Variants in SLAIN1 observed in about 807,000 individuals in gnomAD.
The protein encoded by SLAIN1 is SLAIN family member 1.
In SLAIN1, 17 loss-of-function variants were observed where a neutral mutation model predicts 55.4. That is an observed-to-expected ratio of 0.31 (90% confidence interval 0.21 to 0.46). The LOEUF (loss-of-function observed/expected upper bound fraction) is 0.46, where lower values mean the gene tolerates loss of function less well. Among genes scored for constraint, SLAIN1 ranks in the 20% least tolerant of loss-of-function variants. The pLI, the probability that SLAIN1 is intolerant of heterozygous loss-of-function variation, is 1.00. For missense variants in SLAIN1, 682 were observed against 785.1 expected (o/e 0.87, Z 1.57); for synonymous variants, 348 against 337.4 (o/e 1.03, Z -0.35).
intron 5 of SLAIN1, among the ~76,000 whole-genome samples, chr13:77,758,056 T>C (rs1400309722): frequency 6.6e-6 from 1 of 152,198 alleles, no homozygotes; most frequent in Non-Finnish European, 1.5e-5. Flanking sequence ...ACCAGCAGTG[T>C]AAAAGTGTTC....
intron 6 of SLAIN1, 50 bp downstream of exon 6, chr13:77,761,160 T>C (rs779969062): frequency 1.9e-6 from 3 of 1,573,194 alleles, no homozygotes; most frequent in Non-Finnish European, 2.6e-6. Context: ...AACTAGAAAC[T>C]GCTCCAGACA....
chr13:77,747,307 TC>T (rs1243272270), intron 4 of SLAIN1, among the ~76,000 whole-genome samples: 2 of 152,050 alleles, frequency 1.3e-5, no homozygotes, highest in Admixed American at 6.6e-5. Flanking sequence ...CTCCAGACCT[TC>T]TCAGTTTGGT....
chr13:77,708,118 T>A (rs2091108798), intron 1 of SLAIN1, among the ~76,000 whole-genome samples: 1 of 152,206 alleles, frequency 6.6e-6, no homozygotes, highest in African/African-American at 2.4e-5. Flanking sequence ...CATGGCATAG[T>A]GGGTCACTTA....
chr13:77,761,191 C>A, intron 6 of SLAIN1, 81 bp downstream of exon 6: 3 of 1,396,002 alleles, frequency 2.1e-6, no homozygotes, highest in Non-Finnish European at 2.0e-6. Flanking sequence ...TTTCCTTTGG[C>A]TCACTTTAAC....
chr13:77,737,099 T>G lies in SLAIN1; in HGVS notation c.767-7184T>G, dbSNP rs113258619. On this transcript the variant is annotated intron_variant, in intron 2 of 6. Coordinates refer to ENST00000418532, the MANE Select transcript of SLAIN1 (RefSeq NM_001242868.2). ...CCATCTTGAGTTCAACTAATTTTTTTTTTAATCTAAACATGAGTATCTCAT... is the reference window on the plus strand; with the variant it reads ...CCATCTTGAGTTCAACTAATTTTTTGTTTAATCTAAACATGAGTATCTCAT... Among the ~76,000 whole-genome samples the G allele has an allele frequency of 9.7e-3, 1,480 of 152,020 alleles. 15 individuals carry two copies. Among genetic ancestry groups the G allele is most frequent in the Middle Eastern group, 0.082 (24 of 294 alleles).
chr13:77,748,446 C>T (rs1043655549), intron 4 of SLAIN1, among the ~76,000 whole-genome samples: 5 of 116,498 alleles, frequency 4.3e-5, no homozygotes, highest in Admixed American at 1.1e-4. Flanking sequence ...TTTAGAACAT[C>T]GTAGTCAAGT....
At chr13:77,756,238 A>T (rs565036846) in intron 5 of SLAIN1, among the ~76,000 whole-genome samples, 15 of 152,050 alleles carry the variant, frequency 9.9e-5, no homozygotes, top group African/African-American at 3.6e-4. Flanking sequence ...TCCTGAATAA[A>T]CTGTTCTGTA....
intron 4 of SLAIN1, among the ~76,000 whole-genome samples, chr13:77,750,938 CTTA>C (rs1219392326): frequency 6.6e-6 from 1 of 152,106 alleles, no homozygotes; most frequent in Non-Finnish European, 1.5e-5. Context: ...TCTAAGTATA[CTTA>C]TTGTGCTTGT....
At chr13:77,737,043 C>G (rs2154410172) in intron 2 of SLAIN1, among the ~76,000 whole-genome samples, 1 of 152,144 alleles carries the variant, frequency 6.6e-6, no homozygotes, top group East Asian at 1.9e-4. Flanking sequence ...CAACTCCATA[C>G]TGGACACAAG....
intron 1 of SLAIN1, among the ~76,000 whole-genome samples, chr13:77,702,206 T>C (rs1177443083): frequency 6.6e-6 from 1 of 152,006 alleles, no homozygotes; most frequent in African/African-American, 2.4e-5. Context: ...TTTGCTATCG[T>C]GAACCTGAAT....
intron 1 of SLAIN1, chr13:77,699,227 G>T: frequency 2.3e-6 from 1 of 436,706 alleles, no homozygotes; most frequent in Non-Finnish European, 4.0e-6. Flanking sequence ...TGAACAGGTG[G>T]GAGGGACTTT....
chr13:77,732,446 T>A lies in SLAIN1; in HGVS notation c.767-11837T>A, dbSNP rs1165199940. Among the ~76,000 whole-genome samples, 3 of 152,276 alleles carry A rather than the reference T, an allele frequency of 2.0e-5. 1 individual carries two copies. Among genetic ancestry groups the A allele is most frequent in the Middle Eastern group, 6.8e-3 (2 of 294 alleles). On this transcript the variant is annotated intron_variant, in intron 2 of 6. Coordinates refer to ENST00000418532, the MANE Select transcript of SLAIN1 (RefSeq NM_001242868.2). Reference sequence around the variant, plus strand: ...GAACCTGTAAGTTATTCTAGCTGGTTGTCAGCTTGCATTGTGGCTGTAGTC... The same window carrying A: ...GAACCTGTAAGTTATTCTAGCTGGTAGTCAGCTTGCATTGTGGCTGTAGTC...
intron 1 of SLAIN1, among the ~76,000 whole-genome samples, chr13:77,707,295 A>G (rs2091099744): frequency 6.6e-6 from 1 of 151,848 alleles, no homozygotes; most frequent in African/African-American, 2.4e-5. Context: ...TGTTTTTGCT[A>G]TGATAGTTTC....
intron 2 of SLAIN1, among the ~76,000 whole-genome samples, chr13:77,736,656 T>G (rs1173552571): frequency 6.6e-6 from 1 of 152,166 alleles, no homozygotes; most frequent in East Asian, 1.9e-4. Context: ...CCTTATGTCT[T>G]CTGCTGAATC....
intron 2 of SLAIN1, among the ~76,000 whole-genome samples, chr13:77,730,963 C>G (rs556738603): frequency 9.9e-5 from 15 of 152,206 alleles, no homozygotes; most frequent in African/African-American, 3.6e-4. Context: ...AGCTGCTTCT[C>G]TGAAAGTTGG....
At position 77,697,759 on chromosome 13, in the gene SLAIN1, C is replaced by T. The variant is rs2090987941; in HGVS notation, c.-155C>T. On this transcript the variant is annotated 5_prime_UTR_variant, in exon 1 of 7. Coordinates refer to ENST00000418532, the MANE Select transcript of SLAIN1 (RefSeq NM_001242868.2). ...GCTGCCGCGGCCGGAGGCGAGGGCC[C>T]GGTGCTGATGCGAACCGCCGGCTCG... 3.0e-6 allele frequency: 2 copies of T among 659,990 alleles called. No individual in the cohort carries two copies. Among genetic ancestry groups the T allele is most frequent in the Non-Finnish European group, 4.1e-6 (2 of 492,400 alleles). 40.9% of individuals were successfully genotyped at this position (659,990 alleles called of 1,614,324 possible). A position where few individuals can be genotyped will look rare whatever the true frequency, so the allele number is the denominator to read the frequency against.
In SLAIN1 at chr13:77,698,665, A is replaced by G. The variant is rs2090999049; in HGVS notation, c.626+126A>G. 3.9e-6 allele frequency: 5 copies of G among 1,271,098 alleles called. No individual in the cohort carries two copies. In the East Asian group the frequency reaches 1.2e-4, roughly 31 times the overall value. The allele number at this position is 1,271,098 out of a possible 1,614,324, so 78.7% of individuals were successfully genotyped here. A position where few individuals can be genotyped will look rare whatever the true frequency, so the allele number is the denominator to read the frequency against. ...CGGGGTGACTCCCCGCGGCTCCCGG[A>G]GGGGCCGACCCAGCAGGTGTTGAGC... On this transcript the variant is annotated intron_variant, in intron 1 of 6. Coordinates refer to ENST00000418532, the MANE Select transcript of SLAIN1 (RefSeq NM_001242868.2). The surrounding 1 kb of genome is among the most constrained non-coding windows in gnomAD (Gnocchi z 4.1).
chr13:77,698,428 C>T lies in SLAIN1; in HGVS notation c.515C>T (p.Pro172Leu), dbSNP rs763254872. Reference sequence around the variant, plus strand: ...CCGGAGCCGGGGGGCGCGGGGACGCCGCCAGGGGCAGCTGCAGCGCCGCCC... The same window carrying T: ...CCGGAGCCGGGGGGCGCGGGGACGCTGCCAGGGGCAGCTGCAGCGCCGCCC... The part of the protein sequence containing the change: ...GGPEPGGAGT[P>L]PGAAAAPPSP... The change falls in exon 1 of 7, where the codon CCG becomes CTG. Residue 172 changes from proline to leucine, a missense_variant. By Grantham distance (98) the Pro-to-Leu change is moderately conservative. Coordinates refer to ENST00000418532, the MANE Select transcript of SLAIN1 (RefSeq NM_001242868.2). This position sits in a 1 kb window ranked among gnomAD's most constrained non-coding sequence, Gnocchi z 4.1. 1.7e-3 allele frequency: 2,348 copies of T among 1,409,018 alleles called. 2 individuals are homozygous for T. Among genetic ancestry groups the T allele is most frequent in the Non-Finnish European group, 2.0e-3 (2,202 of 1,086,586 alleles). 87.3% of individuals were successfully genotyped at this position (1,409,018 alleles called of 1,614,324 possible).
intron 1 of SLAIN1, among the ~76,000 whole-genome samples, chr13:77,714,833 T>A (rs987237303): frequency 5.3e-5 from 8 of 152,116 alleles, no homozygotes; most frequent in Admixed American, 4.6e-4. Context: ...GTTTTCCTTA[T>A]TCTTTCCCTC....
Sources: allele counts gnomAD v4.1 joint callset (sites outside exome capture counted in the v4.1 genomes callset), GRCh38; gene constraint gnomAD v4.1.1; non-coding constraint Gnocchi (gnomAD v3.1); transcripts MANE v1.5; gene names NCBI Gene and HGNC (gene_info 2026-07-23, HGNC 2026-07-21).